GRIP1: variants seen among roughly 807,000 people sequenced by gnomAD.
The protein encoded by GRIP1 is glutamate receptor interacting protein 1.
In GRIP1, 45 loss-of-function variants were observed where a neutral mutation model predicts 129.9. The ratio of observed to expected loss-of-function variants is 0.35; its 90% CI spans 0.27 to 0.44. The LOEUF (loss-of-function observed/expected upper bound fraction) is 0.44. GRIP1 is among the 20% of genes least tolerant of loss of function. The pLI is 1.00. For synonymous variants in GRIP1, 530 were observed against 520.8 expected (o/e 1.02, Z -0.24); for missense variants, 1,196 against 1,396.8 (o/e 0.86, Z 2.29).
At chr12:66,451,383 G>GTTTGTTTTTTTTTTTTTT (rs2058794233) in intron 11 of GRIP1, among the ~76,000 whole-genome samples, 2 of 42,650 alleles carry the variant, frequency 4.7e-5, no homozygotes, top group Non-Finnish European at 8.4e-5. Flanking sequence ...ATTATAATCT[G>GTTTGTTTTTTTTTTTTTT]TTTTTTTTTT....
At chr12:66,941,751 A>G (rs2041589508) in intron 1 of GRIP1, among the ~76,000 whole-genome samples, 1 of 152,222 alleles carries the variant, frequency 6.6e-6, no homozygotes, top group Non-Finnish European at 1.5e-5. Context: ...GATAATTAAA[A>G]GGATGTACAA....
At chr12:66,550,090 C>T (rs1345161704) in intron 2 of GRIP1, among the ~76,000 whole-genome samples, 1 of 152,114 alleles carries the variant, frequency 6.6e-6, no homozygotes, top group Non-Finnish European at 1.5e-5. Flanking sequence ...TAAAATATGG[C>T]AATACGAGAA....
intron 1 of GRIP1, among the ~76,000 whole-genome samples, chr12:67,052,796 G>A (rs1011589102): frequency 2.0e-5 from 3 of 150,840 alleles, no homozygotes; most frequent in Admixed American, 6.6e-5. Flanking sequence ...GACGGAGGGA[G>A]GGAGGGAGGA....
At chr12:66,420,359 T>C (rs1365107526) in intron 15 of GRIP1, among the ~76,000 whole-genome samples, 4 of 151,788 alleles carry the variant, frequency 2.6e-5, no homozygotes, top group Non-Finnish European at 5.9e-5. Context: ...AGCAAAATTC[T>C]TGCACAACTT....
At chr12:66,677,502 T>C (rs1195258036) in intron 1 of GRIP1, among the ~76,000 whole-genome samples, 1 of 152,188 alleles carries the variant, frequency 6.6e-6, no homozygotes, top group African/African-American at 2.4e-5. Context: ...ACAGAAAGGA[T>C]AGTCTCTTAG....
At chr12:66,516,655 C>T (rs1042567658) in intron 6 of GRIP1, among the ~76,000 whole-genome samples, 1 of 152,070 alleles carries the variant, frequency 6.6e-6, no homozygotes, top group Non-Finnish European at 1.5e-5. Context: ...AACTCCAACT[C>T]TAAATGTTAA....
chr12:66,694,499 A>G (rs2035086156), intron 1 of GRIP1, among the ~76,000 whole-genome samples: 1 of 152,152 alleles, frequency 6.6e-6, no homozygotes, highest in Admixed American at 6.5e-5. Flanking sequence ...GCACAGTGCC[A>G]GCTCACAGTA....
intron 1 of GRIP1, among the ~76,000 whole-genome samples, chr12:66,707,670 T>C (rs1203855688): frequency 1.3e-5 from 2 of 151,906 alleles, no homozygotes; most frequent in East Asian, 3.9e-4. Flanking sequence ...TCCCTCCACA[T>C]CCTTCCTGCA....
At chr12:66,598,307 G>T (rs1457003596) in intron 1 of GRIP1, among the ~76,000 whole-genome samples, 1 of 152,166 alleles carries the variant, frequency 6.6e-6, no homozygotes. Flanking sequence ...TAACACTGCT[G>T]TAAGTGGCAA....
chr12:66,347,903 A>AT lies in GRIP1; in HGVS notation c.*1115dup, dbSNP rs528978169. 1.8e-3 allele frequency: 272 copies of AT among 152,218 alleles called. 2 individuals carry two copies. The highest frequency in any genetic ancestry group is 6.3e-3 in the African/African-American group (261 of 41,550). The allele number at this position is 152,218 out of a possible 1,614,324, so 9.4% of individuals were successfully genotyped here. ...CTACCATCAATATACAGATCTATTT[A>AT]TTTTTTTATGTTCACCAAATAATAA... On this transcript the variant is annotated 3_prime_UTR_variant, in exon 25 of 25. Transcript: ENST00000359742.
chr12:66,455,392 G>A lies in GRIP1; in HGVS notation c.1354+17C>T. 9 of 1,610,692 alleles carry A rather than the reference G, an allele frequency of 5.6e-6. 1 individual carries two copies. The highest frequency in any genetic ancestry group is 3.3e-5 in the South Asian group (3 of 91,010). The stretch of plus-strand genomic sequence containing the variant: ...GTTTTTTCCAGGCCAAATGCCATTG[G>A]CTGTCATTTCACTTACATGAGCTTT... On this transcript the variant is annotated intron_variant, in intron 11 of 24. Transcript: ENST00000359742.
chr12:67,053,831 C>G (rs533207341), intron 1 of GRIP1, among the ~76,000 whole-genome samples: 1,464 of 56,750 alleles, frequency 0.026, 23 homozygotes, highest in African/African-American at 0.068. Flanking sequence ...GACAGAGACT[C>G]CATCTCAAAA....
At chr12:66,445,757 G>T (rs1335292460) in intron 11 of GRIP1, among the ~76,000 whole-genome samples, 1 of 152,124 alleles carries the variant, frequency 6.6e-6, no homozygotes, top group Non-Finnish European at 1.5e-5. Context: ...TCATTGTGGG[G>T]GCTTTAAGAG....
chr12:66,839,529 C>A (rs2039676862), intron 1 of GRIP1, among the ~76,000 whole-genome samples: 1 of 152,130 alleles, frequency 6.6e-6, no homozygotes, highest in South Asian at 2.1e-4. Context: ...GATATGAAGA[C>A]TCACAATAGT....
chr12:66,754,566 G>A (rs1455804289), intron 1 of GRIP1, among the ~76,000 whole-genome samples: 2 of 152,156 alleles, frequency 1.3e-5, no homozygotes, highest in East Asian at 3.9e-4. Flanking sequence ...AGCAAGGGCA[G>A]AGAGCCGTCA....
At chr12:66,870,645 G>C (rs1215574147) in intron 1 of GRIP1, among the ~76,000 whole-genome samples, 1 of 152,094 alleles carries the variant, frequency 6.6e-6, no homozygotes, top group Non-Finnish European at 1.5e-5. Context: ...CGCCAAATTT[G>C]AGCACGGACA....
At chr12:67,052,616 C>G (rs568354643) in intron 1 of GRIP1, among the ~76,000 whole-genome samples, 1 of 151,932 alleles carries the variant, frequency 6.6e-6, no homozygotes, top group Non-Finnish European at 1.5e-5. Flanking sequence ...AAAAATTAGC[C>G]GGGTGTGGTG....
At chr12:66,467,589 CT>C (rs558413775) in intron 7 of GRIP1, among the ~76,000 whole-genome samples, 1 of 152,146 alleles carries the variant, frequency 6.6e-6, no homozygotes, top group South Asian at 2.1e-4. Flanking sequence ...TTTAGTTGTC[CT>C]TCTATCACTA....
At chr12:66,779,012 A>T (rs1237180609) in intron 1 of GRIP1, among the ~76,000 whole-genome samples, 1 of 152,200 alleles carries the variant, frequency 6.6e-6, no homozygotes, top group Non-Finnish European at 1.5e-5. Context: ...CTGGCCACAT[A>T]GCTTTGGGAG....
Sources: gnomAD v4.1 joint callset for allele counts (sites outside exome capture counted in the v4.1 genomes callset) on GRCh38, gnomAD v4.1.1 for gene constraint, MANE v1.5 for transcripts, NCBI Gene and HGNC (gene_info 2026-07-23, HGNC 2026-07-21) for gene names.